Variants in ABL1 observed in about 807,000 individuals in gnomAD.
ABL1 encodes the protein ABL proto-oncogene 1, non-receptor tyrosine kinase, also known as tyrosine-protein kinase ABL1.
ABL1 carries 11 observed loss-of-function variants against 94.7 expected under a neutral mutation model. The observed-to-expected ratio is 0.12, with a 90% CI of 0.07 to 0.19. The LOEUF (loss-of-function observed/expected upper bound fraction) is 0.19. ABL1 is among the 10% of genes least tolerant of loss of function. The pLI, the probability that ABL1 is intolerant of heterozygous loss-of-function variation, is 1.00. For missense variants in ABL1, 1,082 were observed against 1,489.4 expected (o/e 0.73, Z 4.50); for synonymous variants, 656 against 622.4 (o/e 1.05, Z -0.80).
intron 1 of ABL1, among the ~76,000 whole-genome samples, chr9:130,845,567 T>G (rs541700219): frequency 6.6e-6 from 1 of 152,126 alleles, no homozygotes; most frequent in African/African-American, 2.4e-5. Flanking sequence ...AGTGCTGGGA[T>G]TACAGGAGTG....
At position 130,887,649 on chromosome 9, in the gene ABL1, TTAAA is replaced by T. The variant is rs947399426; in HGVS notation, c.*1972_*1975del. On this transcript the variant is annotated 3_prime_UTR_variant, in exon 11 of 11. Transcript: ENST00000318560. ...CCAAATCTGTCCTCTGTAGTATTTT[TTAAA>T]TAAATCAGTGTTTACATTAGAATTC... is the stretch of plus-strand genomic sequence containing the variant. The T allele has an allele frequency of 4.4e-6, 1 of 225,308 alleles. No homozygotes were observed. The highest frequency in any genetic ancestry group is 2.2e-5 in the African/African-American group (1 of 44,822). 14.0% of individuals were successfully genotyped at this position (225,308 alleles called of 1,614,324 possible).
At chr9:130,823,664 G>A (rs547930908) in intron 1 of ABL1, among the ~76,000 whole-genome samples, 2 of 152,270 alleles carry the variant, frequency 1.3e-5, no homozygotes, top group South Asian at 4.1e-4. Flanking sequence ...CGTGCCTGTT[G>A]CTTTGAAGAA....
At chr9:130,742,306 C>T (rs1029450592) in intron 1 of ABL1, among the ~76,000 whole-genome samples, 3 of 152,166 alleles carry the variant, frequency 2.0e-5, no homozygotes, top group Non-Finnish European at 4.4e-5. Context: ...AATGCCCTTA[C>T]CCACATACTT....
chr9:130,752,249 A>G (rs1050629614), intron 1 of ABL1, among the ~76,000 whole-genome samples: 3 of 152,196 alleles, frequency 2.0e-5, no homozygotes, highest in Non-Finnish European at 2.9e-5. Context: ...TCTCTGCTTC[A>G]TAGCTGTTGT....
In ABL1 at chr9:130,885,477, C is replaced by T. The variant is rs757093402; in HGVS notation, c.3187C>T (p.Leu1063Phe). ...CGCAGTGCTGGAGGCCGGCAAAAAC[C>T]TCTACACGTTCTGCGTGAGCTATGT... is the stretch of plus-strand genomic sequence containing the variant. Reference protein sequence around the residue: ...HSAVLEAGKNLYTFCVSYVDS... With the variant: ...HSAVLEAGKNFYTFCVSYVDS... Residue 1063 changes from leucine to phenylalanine, a missense_variant, in exon 11 of 11, where the codon CTC becomes TTC. Physicochemically the swap from Leu to Phe is conservative, Grantham distance 22. Transcript: ENST00000318560. The T allele has an allele frequency of 1.2e-6, 2 of 1,614,126 alleles. No homozygotes were observed. Among genetic ancestry groups the T allele is most frequent in the South Asian group, 1.1e-5 (1 of 91,092 alleles).
chr9:130,838,129 C>G (rs994871443), intron 1 of ABL1, among the ~76,000 whole-genome samples: 6 of 152,264 alleles, frequency 3.9e-5, no homozygotes, highest in East Asian at 1.9e-4. Flanking sequence ...ATGATTATTT[C>G]CATTTTATAG....
At chr9:130,882,367 G>A (rs1026328123) in intron 10 of ABL1, among the ~76,000 whole-genome samples, 4 of 152,124 alleles carry the variant, frequency 2.6e-5, no homozygotes, top group African/African-American at 9.7e-5. Flanking sequence ...AGTTTTGGGA[G>A]GGCTTTGGTG....
At position 130,883,966 on chromosome 9, in the gene ABL1, C is replaced by T. The variant is rs568933533; in HGVS notation, c.1679-3C>T. On this transcript the variant is annotated splice_polypyrimidine_tract_variant and splice_region_variant and intron_variant, in intron 10 of 10. Coordinates refer to ENST00000318560, the MANE Select transcript of ABL1 (RefSeq NM_005157.6). ...GTTGTCAGCTCTTCCCCTTGCGTTT[C>T]AGATCCTCTGGACCATGAGCCTGCC... The T allele has an allele frequency of 2.2e-5, 36 of 1,603,996 alleles. No individual in the cohort carries two copies. The highest frequency in any genetic ancestry group is 4.0e-5 in the African/African-American group (3 of 74,298).
At chr9:130,750,141 A>G (rs1831936586) in intron 1 of ABL1, among the ~76,000 whole-genome samples, 1 of 148,272 alleles carries the variant, frequency 6.7e-6, no homozygotes, top group Non-Finnish European at 1.5e-5. Context: ...TGATTGTGCC[A>G]CGGCACTCCA....
At chr9:130,796,339 A>G (rs978169393) in intron 1 of ABL1, among the ~76,000 whole-genome samples, 1 of 152,140 alleles carries the variant, frequency 6.6e-6, no homozygotes, top group Admixed American at 6.5e-5. Context: ...CTTGGGCAAC[A>G]TAGCGAAACC....
At chr9:130,838,253 A>G (rs1830618561) in intron 1 of ABL1, among the ~76,000 whole-genome samples, 1 of 150,298 alleles carries the variant, frequency 6.7e-6, no homozygotes, top group Non-Finnish European at 1.5e-5. Context: ...GCCCACTTTT[A>G]GCCACTGGAT....
intron 1 of ABL1, among the ~76,000 whole-genome samples, chr9:130,746,637 T>G (rs1403304406): frequency 1.3e-5 from 2 of 151,934 alleles, no homozygotes; most frequent in Non-Finnish European, 2.9e-5. Context: ...CTGAGTAGTA[T>G]TCCATTGTAT....
At chr9:130,724,438 G>T (rs1831552840) in intron 1 of ABL1, among the ~76,000 whole-genome samples, 1 of 151,980 alleles carries the variant, frequency 6.6e-6, no homozygotes, top group South Asian at 2.1e-4. Context: ...CTTTCCCAAT[G>T]AATATACTTA....
chr9:130,885,431 C>G lies in ABL1; in HGVS notation c.3141C>G (p.Ser1047=). 6.2e-7 allele frequency: 1 copy of G among 1,613,730 alleles called. No individual in the cohort carries two copies. The highest frequency in any genetic ancestry group is 8.5e-7 in the Non-Finnish European group (1 of 1,180,042). Residue 1047 remains serine, a synonymous_variant, in exon 11 of 11, where the codon TCC becomes TCG. Transcript: ENST00000318560. ...TGTGCCTCGCCATCTCTAGGAACTC[C>G]GAGCAGATGGCCAGCCACAGCGCAG... is the stretch of plus-strand genomic sequence containing the variant. ...EALCLAISRN[S]EQMASHSAVL...
chr9:130,717,063 G>A (rs1372014840), intron 1 of ABL1, among the ~76,000 whole-genome samples: 1 of 151,778 alleles, frequency 6.6e-6, no homozygotes, highest in Non-Finnish European at 1.5e-5. Flanking sequence ...TCGTTTTTGC[G>A]ACAGAGTCTT....
At chr9:130,745,930 A>G (rs925774013) in intron 1 of ABL1, among the ~76,000 whole-genome samples, 4 of 90,942 alleles carry the variant, frequency 4.4e-5, no homozygotes, top group African/African-American at 1.5e-4. Flanking sequence ...CTTTGTACTT[A>G]ACGGACTCAG....
intron 1 of ABL1, among the ~76,000 whole-genome samples, chr9:130,847,814 G>T (rs541948517): frequency 6.6e-6 from 1 of 152,240 alleles, no homozygotes; most frequent in Non-Finnish European, 1.5e-5. Flanking sequence ...CCTAACAAAG[G>T]CCTCATCCTC....
Position 130,885,518 on chromosome 9 carries a change from A to G in ABL1, c.3228A>G (p.Gln1076=), listed in dbSNP as rs767992609. 10 of 1,614,156 alleles carry G rather than the reference A, an allele frequency of 6.2e-6. No homozygotes were observed. The South Asian group carries it at 8.8e-5, about 14-fold the overall frequency. Residue 1076 remains glutamine (Q), a synonymous_variant, in exon 11 of 11, where the codon CAA becomes CAG. Coordinates refer to ENST00000318560, the MANE Select transcript of ABL1 (RefSeq NM_005157.6). The part of the protein sequence containing the change: ...FCVSYVDSIQ[Q]MRNKFAFREA... The stretch of plus-strand genomic sequence containing the variant: ...TGAGCTATGTGGATTCCATCCAGCA[A>G]ATGAGGAACAAGTTTGCCTTCCGAG...
intron 1 of ABL1, among the ~76,000 whole-genome samples, chr9:130,794,712 C>A (rs1425401189): frequency 6.6e-6 from 1 of 152,050 alleles, no homozygotes; most frequent in Admixed American, 6.5e-5. Context: ...TCATAAAGGC[C>A]CAGATTATGT....
Sources: allele counts gnomAD v4.1 joint callset (sites outside exome capture counted in the v4.1 genomes callset), GRCh38; gene constraint gnomAD v4.1.1; transcripts MANE v1.5; gene names NCBI Gene and HGNC (gene_info 2026-07-23, HGNC 2026-07-21).